LRRC42: variants seen among roughly 807,000 people sequenced by gnomAD.
LRRC42 encodes leucine rich repeat containing 42.
A neutral mutation model predicts 44.3 loss-of-function variants in LRRC42; 43 were observed. The observed-to-expected ratio is 0.97, with a 90% CI of 0.76 to 1.25. The LOEUF is 1.25. LRRC42 is among the 50% of genes most tolerant of loss of function. The probability of loss-of-function intolerance (pLI) is 0.00; values close to 1 mark genes in which losing one functional copy is unlikely to be tolerated. For synonymous variants in LRRC42, 207 were observed against 195.2 expected, an observed-to-expected ratio of 1.06 and a Z score of -0.50; for missense variants, 540 against 509.1, an observed-to-expected ratio of 1.06 and a Z score of -0.58.
chr1:53,953,365 T>C (rs1297554574), intron 3 of LRRC42, among the ~76,000 whole-genome samples: 4 of 152,238 alleles, frequency 2.6e-5, no homozygotes, highest in African/African-American at 9.6e-5. Context: ...TAGATTTTTT[T>C]TTGTTTTTTT....
In LRRC42 at chr1:53,968,033, A is replaced by G. The variant is rs1655178324; in HGVS notation, c.*94A>G. The G allele has an allele frequency of 1.5e-6, 2 of 1,322,882 alleles. No individual in the cohort carries two copies. Among genetic ancestry groups the G allele is most frequent in the Non-Finnish European group, 1.0e-6 (1 of 953,004 alleles). The allele number at this position is 1,322,882 out of a possible 1,614,324, so 81.9% of individuals were successfully genotyped here. On this transcript the variant is annotated 3_prime_UTR_variant, in exon 9 of 9. Transcript: ENST00000371370. Reference sequence around the variant, plus strand: ...ATTTACTTTTTGTTTGAATTTACCTATGGCATTAGCATAGTAAGCAGATAT... The same window carrying G: ...ATTTACTTTTTGTTTGAATTTACCTGTGGCATTAGCATAGTAAGCAGATAT...
intron 4 of LRRC42, among the ~76,000 whole-genome samples, chr1:53,958,521 T>G (rs549782695): frequency 6.6e-6 from 1 of 152,356 alleles, no homozygotes; most frequent in Non-Finnish European, 1.5e-5. Context: ...TAACTTTTAT[T>G]TTAATATGTA....
At chr1:53,965,903 GT>G (rs1320904517) in intron 7 of LRRC42, among the ~76,000 whole-genome samples, 33 of 152,216 alleles carry the variant, frequency 2.2e-4, no homozygotes, top group Middle Eastern at 3.2e-3. Context: ...AAAAGTTTGA[GT>G]TATAGTTGGC....
intron 3 of LRRC42, among the ~76,000 whole-genome samples, chr1:53,957,797 C>A (rs752998918): frequency 6.6e-6 from 1 of 152,252 alleles, no homozygotes; most frequent in South Asian, 2.1e-4. Flanking sequence ...ATTAAAAATT[C>A]GAGTATCCTA....
intron 5 of LRRC42, 98 bp from the exon 6 acceptor site, chr1:53,961,936 G>GT: frequency 3.6e-6 from 3 of 842,530 alleles, no homozygotes; most frequent in Non-Finnish European, 5.8e-6. Context: ...ATGTTTTATA[G>GT]TTTATCATTG....
At chr1:53,965,947 G>A (rs1655119114) in intron 7 of LRRC42, among the ~76,000 whole-genome samples, 1 of 152,216 alleles carries the variant, frequency 6.6e-6, no homozygotes, top group South Asian at 2.1e-4. Flanking sequence ...GTCTAGGAAT[G>A]TGTGGAAAGT....
In LRRC42 at chr1:53,966,455, C is replaced by T. The variant is rs1381260864; in HGVS notation, c.1012+75C>T. On this transcript the variant is annotated intron_variant, in intron 8 of 8. Transcript: ENST00000371370. ...TAAAGCAGTTCGCTTGTTTTCCCTCCTTGGAAAAATTAATTATGATAGTAT... is the reference window on the plus strand; with the variant it reads ...TAAAGCAGTTCGCTTGTTTTCCCTCTTTGGAAAAATTAATTATGATAGTAT... 6 of 1,025,254 alleles carry T rather than the reference C, an allele frequency of 5.9e-6. No individual in the cohort carries two copies. The East Asian group carries it at 9.7e-5, about 17-fold the overall frequency. The allele number at this position is 1,025,254 out of a possible 1,614,324, so 63.5% of individuals were successfully genotyped here.
rs201013978 is a variant in LRRC42 at position 53,948,217 on chromosome 1, TTTC to T, written c.-15+407_-15+409del. Among the ~76,000 whole-genome samples the T allele has an allele frequency of 6.6e-4, 101 of 152,334 alleles. 2 individuals carry two copies. The East Asian group carries it at 0.018, about 27-fold the overall frequency. On this transcript the variant is annotated intron_variant, in intron 2 of 8. Coordinates refer to ENST00000371370, the MANE Select transcript of LRRC42 (RefSeq NM_001256409.2). ...TACTTTATCTACTGAAGTTAGATAT[TTTC>T]TTCTTCTTCTCTTCAAATTAGCCGT... is the stretch of plus-strand genomic sequence containing the variant.
Position 53,962,163 on chromosome 1 carries a change from C to A in LRRC42, c.813+41C>A, listed in dbSNP as rs777900789. 23 of 1,547,636 alleles carry A rather than the reference C, an allele frequency of 1.5e-5. No homozygotes were observed. In the Admixed American group the frequency reaches 3.9e-4, roughly 26 times the overall value. ...CCTTCTCTCATTTTTCTAGACTCAA[C>A]AATTTGATATTTTGCCTGTGCTAAT... On this transcript the variant is annotated intron_variant, in intron 6 of 8. Coordinates refer to ENST00000371370, the MANE Select transcript of LRRC42 (RefSeq NM_001256409.2).
At chr1:53,961,884 G>T (rs1434494393) in intron 5 of LRRC42, 150 bp from the exon 6 acceptor site, 2 of 614,960 alleles carry the variant, frequency 3.3e-6, no homozygotes, top group South Asian at 2.0e-5. Flanking sequence ...GTAAAGATCA[G>T]ACCTCTGTAT....
intron 2 of LRRC42, among the ~76,000 whole-genome samples, chr1:53,950,712 G>A (rs1405343364): frequency 1.3e-5 from 2 of 152,170 alleles, no homozygotes; most frequent in African/African-American, 2.4e-5. Context: ...AATTTTTCAT[G>A]TATTTTGAAA....
intron 3 of LRRC42, among the ~76,000 whole-genome samples, chr1:53,952,803 G>A (rs1398135999): frequency 2.6e-5 from 4 of 152,130 alleles, no homozygotes; most frequent in Non-Finnish European, 5.9e-5. Context: ...TCTTACAGAT[G>A]GGGAGATTAG....
rs753661539 is a variant in LRRC42 at position 53,952,479 on chromosome 1, G to T, written c.473+7G>T. 6.3e-7 allele frequency: 1 copy of T among 1,580,930 alleles called. No homozygotes were observed. Among genetic ancestry groups the T allele is most frequent in the East Asian group, 2.3e-5 (1 of 44,332 alleles). The stretch of plus-strand genomic sequence containing the variant: ...CCCTGTGTTTGCGAAACAGGTGGGT[G>T]TTCTGATTAGATTATTCGGTATTTT... On this transcript the variant is annotated splice_region_variant and intron_variant, in intron 3 of 8. Transcript: ENST00000371370.
At chr1:53,961,068 T>C (rs1191185492) in intron 5 of LRRC42, among the ~76,000 whole-genome samples, 1 of 152,248 alleles carries the variant, frequency 6.6e-6, no homozygotes, top group Non-Finnish European at 1.5e-5. Flanking sequence ...AGACCAGTTA[T>C]TTAACCACTT....
rs1272373178 is a variant in LRRC42, at chr1:53,952,161, G to A, written c.162G>A (p.Glu54=). 6.2e-7 allele frequency: 1 copy of A among 1,614,236 alleles called. No individual in the cohort carries two copies. The highest frequency in any genetic ancestry group is 1.7e-5 in the Admixed American group (1 of 60,020). Residue 54 remains glutamate (E), a synonymous_variant, in exon 3 of 9, where the codon GAG becomes GAA. Coordinates refer to ENST00000371370, the MANE Select transcript of LRRC42 (RefSeq NM_001256409.2). ...FRLFPKGFSV[E]LCMNREDDTA... is the part of the protein sequence containing the mutation. ...TGTTCCCCAAAGGCTTTTCTGTGGA[G>A]CTTTGCATGAACAGGGAAGACGACA...
At chr1:53,949,131 T>C (rs1654603336) in intron 2 of LRRC42, among the ~76,000 whole-genome samples, 1 of 152,200 alleles carries the variant, frequency 6.6e-6, no homozygotes, top group South Asian at 2.1e-4. Context: ...GCCTTTTTTT[T>C]GAAAATGATC....
At chr1:53,951,034 C>G (rs935708162) in intron 2 of LRRC42, among the ~76,000 whole-genome samples, 1 of 152,212 alleles carries the variant, frequency 6.6e-6, no homozygotes, top group African/African-American at 2.4e-5. Flanking sequence ...GTTATAGAGT[C>G]TGCATGAATT....
intron 2 of LRRC42, among the ~76,000 whole-genome samples, chr1:53,948,687 T>C: frequency 6.6e-6 from 1 of 152,220 alleles, no homozygotes; most frequent in East Asian, 1.9e-4. Context: ...TTTTTCAATT[T>C]GGATGGAGTT....
rs771033419 is a variant in LRRC42 at position 53,967,968 on chromosome 1, G to GC, written c.*34dup. The GC allele has an allele frequency of 1.9e-6, 3 of 1,597,180 alleles. No individual in the cohort carries two copies. On this transcript the variant is annotated 3_prime_UTR_variant, in exon 9 of 9. Transcript: ENST00000371370. ...GTAGATACAAGTTGACCTTTCTCTG[G>GC]CCCCCAGCTCTAGTGTTTGAGTAAA...
Sources: allele counts gnomAD v4.1 joint callset (sites outside exome capture counted in the v4.1 genomes callset), GRCh38; gene constraint gnomAD v4.1.1; transcripts MANE v1.5; gene names NCBI Gene and HGNC (gene_info 2026-07-23, HGNC 2026-07-21).